Variants in MFHAS1 observed in about 807,000 individuals in gnomAD.
MFHAS1 encodes the protein multifunctional ROCO family signaling regulator 1.
A neutral mutation model predicts 70.4 loss-of-function variants in MFHAS1; 50 were observed. The ratio of observed to expected loss-of-function variants is 0.71; its 90% confidence interval spans 0.57 to 0.90. MFHAS1 has a LOEUF of 0.90. MFHAS1 is among the 40% of genes least tolerant of loss of function. The probability of loss-of-function intolerance (pLI) is 0.00; values close to 1 mark genes in which losing one functional copy is unlikely to be tolerated. For synonymous variants in MFHAS1, 952 were observed against 620.0 expected (o/e 1.54, Z -7.96); for missense variants, 1,795 against 1,347.6 (o/e 1.33, Z -5.20).
intron 1 of MFHAS1, among the ~76,000 whole-genome samples, chr8:8,811,972 T>A (rs1442245580): frequency 1.3e-5 from 2 of 152,122 alleles, no homozygotes; most frequent in Admixed American, 1.3e-4. Context: ...CCGCATGCCA[T>A]CCAAGGGCAA....
chr8:8,816,539 C>T (rs76960788), intron 1 of MFHAS1, among the ~76,000 whole-genome samples: 21,264 of 152,164 alleles, frequency 0.14, 1,881 homozygotes, highest in Non-Finnish European at 0.2. Flanking sequence ...GCCATATAAG[C>T]GTGCATCGTT....
chr8:8,816,002 G>A (rs190040863), intron 1 of MFHAS1, among the ~76,000 whole-genome samples: 20 of 152,160 alleles, frequency 1.3e-4, no homozygotes, highest in African/African-American at 3.9e-4. Context: ...GGATATATAC[G>A]CCAACATCGA....
intron 1 of MFHAS1, among the ~76,000 whole-genome samples, chr8:8,880,551 G>A (rs1809478264): frequency 6.6e-6 from 1 of 152,130 alleles, no homozygotes; most frequent in Non-Finnish European, 1.5e-5. Context: ...GTCTTAACAT[G>A]ACTCCAGTTT....
chr8:8,853,180 T>C (rs1808309133), intron 1 of MFHAS1, among the ~76,000 whole-genome samples: 1 of 151,860 alleles, frequency 6.6e-6, no homozygotes, highest in African/African-American at 2.4e-5. Context: ...ACTGTGTACA[T>C]ATACACCGAC....
intron 1 of MFHAS1, among the ~76,000 whole-genome samples, chr8:8,844,488 G>A (rs115079434): frequency 6.6e-6 from 1 of 152,178 alleles, no homozygotes; most frequent in Non-Finnish European, 1.5e-5. Context: ...TTTAAAGTTA[G>A]CATGACTCTT....
chr8:8,885,041 C>T (rs751375314), intron 1 of MFHAS1, among the ~76,000 whole-genome samples: 234 of 151,978 alleles, frequency 1.5e-3, no homozygotes, highest in Admixed American at 2.8e-3. Flanking sequence ...GCTACTAAGT[C>T]TCGGGTGTGT....
intron 1 of MFHAS1, among the ~76,000 whole-genome samples, chr8:8,803,914 G>A (rs1375027929): frequency 6.6e-6 from 1 of 152,140 alleles, no homozygotes; most frequent in Non-Finnish European, 1.5e-5. Context: ...AGAGGTTTCA[G>A]TAAGCCGAGA....
chr8:8,885,895 A>G (rs1390079956), intron 1 of MFHAS1, among the ~76,000 whole-genome samples: 1 of 152,136 alleles, frequency 6.6e-6, no homozygotes, highest in Non-Finnish European at 1.5e-5. Context: ...TATTTTTTGT[A>G]GAGATGGGGT....
At chr8:8,809,087 G>A (rs931170094) in intron 1 of MFHAS1, among the ~76,000 whole-genome samples, 5 of 152,148 alleles carry the variant, frequency 3.3e-5, no homozygotes, top group East Asian at 1.9e-4. Context: ...TCTAGGTTGC[G>A]CGCTCCTTGT....
intron 1 of MFHAS1, among the ~76,000 whole-genome samples, chr8:8,834,894 G>A (rs767851373): frequency 2.0e-5 from 3 of 152,168 alleles, no homozygotes; most frequent in Non-Finnish European, 4.4e-5. Context: ...GAGGGAAACA[G>A]CAATAATTGT....
At position 8,877,301 on chromosome 8, in the gene MFHAS1, C is replaced by CAAAAA. The variant is rs3989409; in HGVS notation, c.2998+12755_2998+12759dup. On this transcript the variant is annotated intron_variant, in intron 1 of 2. Coordinates refer to ENST00000276282, the MANE Select transcript of MFHAS1 (RefSeq NM_004225.3). ...TGGGTGACAGAGTGAGACCCTGCCT[C>CAAAAA]AAAAAAAAAAAAAAAAAAACTACGG... is the stretch of plus-strand genomic sequence containing the variant. Among the ~76,000 whole-genome samples, 374 of 63,774 alleles carry CAAAAA rather than the reference C, an allele frequency of 5.9e-3. 47 individuals are homozygous for CAAAAA. The highest frequency in any genetic ancestry group is 0.017 in the African/African-American group (328 of 19,078). 41.8% of individuals were successfully genotyped at this position (63,774 alleles called of 152,430 possible).
intron 1 of MFHAS1, among the ~76,000 whole-genome samples, chr8:8,873,116 A>C (rs1031642563): frequency 1.3e-5 from 2 of 152,258 alleles, no homozygotes; most frequent in Non-Finnish European, 2.9e-5. Context: ...TTTTGGTATC[A>C]TAGTGTTCTT....
intron 1 of MFHAS1, among the ~76,000 whole-genome samples, chr8:8,822,564 G>A (rs534600588): frequency 2.5e-4 from 38 of 150,526 alleles, no homozygotes; most frequent in Non-Finnish European, 4.9e-4. Context: ...CCAAGTCAGG[G>A]GGCCTGAGGT....
chr8:8,810,561 C>G lies in MFHAS1; in HGVS notation c.2999-13070G>C, dbSNP rs1285035547. On this transcript the variant is annotated intron_variant, in intron 1 of 2. Transcript: ENST00000276282. ...GAAGATCTTTATGACAATCCACTTC[C>G]ACTGAACAGTAAATACATTTTCTCT... is the stretch of plus-strand genomic sequence containing the variant. Among the ~76,000 whole-genome samples, 5 of 152,162 alleles carry G rather than the reference C, an allele frequency of 3.3e-5. No homozygotes were observed. In the South Asian group the frequency reaches 6.2e-4, roughly 19 times the overall value.
intron 1 of MFHAS1, among the ~76,000 whole-genome samples, chr8:8,876,991 T>C (rs1809322247): frequency 6.7e-6 from 1 of 150,076 alleles, no homozygotes; most frequent in African/African-American, 2.4e-5. Flanking sequence ...GTCCAACAAA[T>C]GAAGTGCATA....
At chr8:8,829,323 C>A (rs1273701182) in intron 1 of MFHAS1, among the ~76,000 whole-genome samples, 2 of 152,216 alleles carry the variant, frequency 1.3e-5, no homozygotes, top group Admixed American at 6.5e-5. Flanking sequence ...TGGACATCAT[C>A]TTCTTCACTG....
In MFHAS1 at chr8:8,832,039, C is replaced by T. The variant is rs531780867; in HGVS notation, c.2999-34548G>A. On this transcript the variant is annotated intron_variant, in intron 1 of 2. Coordinates refer to ENST00000276282, the MANE Select transcript of MFHAS1 (RefSeq NM_004225.3). ...ATAAACCTCAATCCTTACTTCAAGG[C>T]GCACATGCACGCGCGCGCGCGCGCA... Among the ~76,000 whole-genome samples the T allele has an allele frequency of 1.3e-3, 145 of 114,958 alleles. 1 individual carries two copies. In the Middle Eastern group the frequency reaches 0.013, roughly 10 times the overall value. 75.4% of individuals were successfully genotyped at this position (114,958 alleles called of 152,430 possible).
At chr8:8,838,894 T>C (rs1005378282) in intron 1 of MFHAS1, among the ~76,000 whole-genome samples, 9 of 152,138 alleles carry the variant, frequency 5.9e-5, no homozygotes, top group African/African-American at 2.2e-4. Flanking sequence ...TTAAAGGACT[T>C]TCTCTTTCTC....
At chr8:8,815,500 C>T (rs1806708490) in intron 1 of MFHAS1, among the ~76,000 whole-genome samples, 2 of 152,154 alleles carry the variant, frequency 1.3e-5, no homozygotes, top group Admixed American at 6.5e-5. Flanking sequence ...AAAAGCATTC[C>T]TATTTCTCCA....
Sources: allele counts gnomAD v4.1 joint callset (sites outside exome capture counted in the v4.1 genomes callset), GRCh38; gene constraint gnomAD v4.1.1; transcripts MANE v1.5; gene names NCBI Gene and HGNC (gene_info 2026-07-23, HGNC 2026-07-21).